ZBBX: variants seen among roughly 807,000 people sequenced by gnomAD.
ZBBX encodes the protein zinc finger B-box domain-containing protein 1.
Under a neutral mutation model 108.5 loss-of-function variants are expected in ZBBX, and 101 were observed. The ratio of observed to expected loss-of-function variants is 0.93; its 90% CI spans 0.79 to 1.10. The LOEUF is 1.10. Among genes scored for constraint, ZBBX ranks in the 50% least tolerant of loss-of-function variants. ZBBX has a pLI of 0.00. For missense variants in ZBBX, 1,009 were observed against 941.4 expected (o/e 1.07, Z -0.94); for synonymous variants, 356 against 323.4 (o/e 1.10, Z -1.08).
intron 1 of ZBBX, among the ~76,000 whole-genome samples, chr3:167,385,850 G>A (rs902222532): frequency 1.3e-5 from 2 of 151,978 alleles, no homozygotes; most frequent in African/African-American, 4.8e-5. Flanking sequence ...AACTTACATG[G>A]TGCATAACTG....
chr3:167,260,775 C>T (rs1197884643), intron 20 of ZBBX, among the ~76,000 whole-genome samples: 1 of 152,202 alleles, frequency 6.6e-6, no homozygotes, highest in Non-Finnish European at 1.5e-5. Context: ...CTTCGCATTT[C>T]TCTGGTTCCT....
chr3:167,330,412 C>A (rs1025082543), intron 10 of ZBBX, among the ~76,000 whole-genome samples: 12 of 152,034 alleles, frequency 7.9e-5, no homozygotes, highest in Non-Finnish European at 1.6e-4. Flanking sequence ...GAGTTTTTAG[C>A]TGGGAGCCTA....
At position 167,391,606 on chromosome 3, in the gene ZBBX, G is replaced by A. The variant is rs115009064; in HGVS notation, c.-445-11201C>T. Among the ~76,000 whole-genome samples the A allele has an allele frequency of 5.7e-3, 869 of 151,918 alleles. 6 individuals are homozygous for A. The highest frequency in any genetic ancestry group is 0.019 in the African/African-American group (782 of 41,486). ...TCTGGTAGAATTTAGCTGGAAATCC[G>A]TTTGGCCTTGGGCTTTTTTTGGTTG... On this transcript the variant is annotated intron_variant, in intron 1 of 21. Transcript: ENST00000455345.
intron 18 of ZBBX, among the ~76,000 whole-genome samples, chr3:167,290,977 A>G (rs917230881): frequency 7.2e-5 from 11 of 152,302 alleles, no homozygotes; most frequent in Middle Eastern, 3.4e-3. Context: ...GATCAACTCA[A>G]TGAAATAAAG....
chr3:167,300,212 G>T (rs1352759248), intron 17 of ZBBX, among the ~76,000 whole-genome samples: 3 of 152,090 alleles, frequency 2.0e-5, no homozygotes, highest in Non-Finnish European at 4.4e-5. Flanking sequence ...CCATTAGTTT[G>T]TTGAGAATTC....
At chr3:167,214,465 C>A in the ZBBX span, among the ~76,000 whole-genome samples, 5 of 152,248 alleles carry the variant, frequency 3.3e-5, no homozygotes, top group East Asian at 1.9e-4. Flanking sequence ...ATGCTCTCAA[C>A]ATAGGAGCAC....
At chr3:167,181,757 G>T in the ZBBX span, among the ~76,000 whole-genome samples, 2 of 152,134 alleles carry the variant, frequency 1.3e-5, no homozygotes, top group Non-Finnish European at 2.9e-5. Context: ...TTTCCCCATT[G>T]TAATCTGAAT....
At chr3:167,369,452 A>C (rs1359247725) in intron 4 of ZBBX, among the ~76,000 whole-genome samples, 2 of 152,224 alleles carry the variant, frequency 1.3e-5, no homozygotes, top group Non-Finnish European at 2.9e-5. Context: ...GATATGTCCT[A>C]AGCGGACACA....
intron 20 of ZBBX, among the ~76,000 whole-genome samples, chr3:167,252,820 T>C (rs998959613): frequency 1.4e-4 from 22 of 152,216 alleles, no homozygotes; most frequent in Non-Finnish European, 4.4e-5. Flanking sequence ...ATGGAAAAGC[T>C]GGAATGGCTG....
intron 20 of ZBBX, chr3:167,248,619 C>G (rs1451123906): frequency 4.4e-6 from 2 of 456,574 alleles, no homozygotes; most frequent in Admixed American, 4.7e-5. Flanking sequence ...TTTTCAGTCC[C>G]AAACTGGACT....
chr3:167,215,368 A>G, the ZBBX span, among the ~76,000 whole-genome samples: 1 of 152,208 alleles, frequency 6.6e-6, no homozygotes, highest in Non-Finnish European at 1.5e-5. Context: ...TACACAAACT[A>G]GAAAACGTAG....
intron 9 of ZBBX, 84 bp downstream of exon 9, chr3:167,350,336 T>A: frequency 2.0e-6 from 2 of 1,023,972 alleles, no homozygotes; most frequent in Non-Finnish European, 2.9e-6. Flanking sequence ...TCCTGAGTTC[T>A]AGATAACTAA....
chr3:167,249,087 C>A (rs887570286), intron 20 of ZBBX, among the ~76,000 whole-genome samples: 1 of 152,332 alleles, frequency 6.6e-6, no homozygotes, highest in Admixed American at 6.5e-5. Flanking sequence ...TATTCTGAAC[C>A]ACTAGGACTG....
chr3:167,351,639 A>T (rs935490226), intron 8 of ZBBX, among the ~76,000 whole-genome samples: 2 of 152,158 alleles, frequency 1.3e-5, no homozygotes, highest in Admixed American at 1.3e-4. Context: ...AGGTGCCTGG[A>T]TATCACACAG....
At chr3:167,231,364 C>T in the ZBBX span, among the ~76,000 whole-genome samples, 1 of 151,712 alleles carries the variant, frequency 6.6e-6, no homozygotes, top group African/African-American at 2.4e-5. Flanking sequence ...ATCATGAGAG[C>T]GTGGTGTCCT....
At chr3:167,195,428 A>T in the ZBBX span, among the ~76,000 whole-genome samples, 2 of 152,354 alleles carry the variant, frequency 1.3e-5, no homozygotes, top group South Asian at 2.1e-4. Context: ...TCAACATGAA[A>T]TATACTTTAA....
chr3:167,298,179 G>T, intron 18 of ZBBX, 126 bp downstream of exon 18: 1 of 629,076 alleles, frequency 1.6e-6, no homozygotes. Context: ...TAAATATATG[G>T]CAACTAATAC....
chr3:167,330,458 T>A (rs1422333866), intron 10 of ZBBX, among the ~76,000 whole-genome samples: 1 of 152,102 alleles, frequency 6.6e-6, no homozygotes, highest in Non-Finnish European at 1.5e-5. Flanking sequence ...CTGAATTGCA[T>A]CACCGTGCAC....
At chr3:167,397,850 A>AC (rs1748299143) in intron 1 of ZBBX, among the ~76,000 whole-genome samples, 1 of 127,304 alleles carries the variant, frequency 7.9e-6, no homozygotes, top group Non-Finnish European at 1.7e-5. Context: ...AAACAAACTC[A>AC]CTTGCAAAAA....
Sources: gnomAD v4.1 joint callset for allele counts (sites outside exome capture counted in the v4.1 genomes callset) on GRCh38, gnomAD v4.1.1 for gene constraint, MANE v1.5 for transcripts, NCBI Gene and HGNC (gene_info 2026-07-23, HGNC 2026-07-21) for gene names.